The following BLOC1S5 variants were observed in gnomAD, a reference collection of about 807,000 sequenced individuals.
BLOC1S5 encodes the protein biogenesis of lysosome-related organelles complex 1 subunit 5.
In BLOC1S5, 27 loss-of-function variants were observed where a neutral mutation model predicts 24.3. The observed-to-expected ratio is 1.11, with a 90% CI of 0.82 to 1.53. The LOEUF (loss-of-function observed/expected upper bound fraction) is 1.53, where lower values mean the gene tolerates loss of function less well. BLOC1S5 is among the 40% of genes most tolerant of loss of function. The probability of loss-of-function intolerance (pLI) is 0.00; values close to 1 mark genes in which losing one functional copy is unlikely to be tolerated. For missense variants in BLOC1S5, 239 were observed against 229.4 expected (o/e 1.04, Z -0.27); for synonymous variants, 84 against 74.5 (o/e 1.13, Z -0.66).
chr6:8,055,338 A>G (rs1764271273), intron 2 of BLOC1S5, among the ~76,000 whole-genome samples: 1 of 152,290 alleles, frequency 6.6e-6, no homozygotes, highest in Non-Finnish European at 1.5e-5. Flanking sequence ...GGGAGGCTGA[A>G]GCAGGAGAAT....
intron 2 of BLOC1S5, chr6:8,054,515 C>A (rs763761815): frequency 3.0e-5 from 8 of 266,848 alleles, no homozygotes; most frequent in Non-Finnish European, 5.1e-5. Flanking sequence ...AGAGTCCTTG[C>A]ATGACCTAAT....
Position 8,041,235 on chromosome 6 carries a change from C to T in BLOC1S5, c.229G>A (p.Glu77Lys), listed in dbSNP as rs149984222. The T allele has an allele frequency of 7.6e-5, 123 of 1,609,024 alleles. No individual in the cohort carries two copies. In the African/African-American group the frequency reaches 1.6e-3, roughly 21 times the overall value. Reference protein sequence around the residue: ...KRGLREMRVLENLKNMIHETN... With the variant: ...KRGLREMRVLKNLKNMIHETN... ...TCATGGATCATGTTCTTCAAATTTT[C>T]AAGAACTCGCATTTCTCGAAGACCA... The change falls in exon 3 of 5, where the codon GAA (glutamate) becomes AAA (lysine). Residue 77 changes from glutamate to lysine, a missense_variant. Physicochemically the swap from Glu to Lys is moderately conservative, Grantham distance 56. Coordinates refer to ENST00000397457, the MANE Select transcript of BLOC1S5 (RefSeq NM_201280.3).
chr6:8,059,533 C>T, intron 2 of BLOC1S5, among the ~76,000 whole-genome samples: 1 of 152,200 alleles, frequency 6.6e-6, no homozygotes, highest in East Asian at 1.9e-4. Context: ...CTCTGCTTTG[C>T]CACTCTATCT....
In BLOC1S5 at chr6:8,051,285, T is replaced by C. The variant is rs549211939; in HGVS notation, c.196-10017A>G. On this transcript the variant is annotated intron_variant, in intron 2 of 4. Coordinates refer to ENST00000397457, the MANE Select transcript of BLOC1S5 (RefSeq NM_201280.3). ...AAGTTTGAGTGGTCTGGACAGAAGA[T>C]GAAACCAGCCACAACATTTTCTTAA... Among the ~76,000 whole-genome samples, 7 of 152,208 alleles carry C rather than the reference T, an allele frequency of 4.6e-5. No individual in the cohort carries two copies. The South Asian group carries it at 1.5e-3, about 32-fold the overall frequency.
At chr6:8,032,336 A>G (rs1763328234) in intron 3 of BLOC1S5, among the ~76,000 whole-genome samples, 1 of 152,210 alleles carries the variant, frequency 6.6e-6, no homozygotes, top group Non-Finnish European at 1.5e-5. Context: ...AGATATACAA[A>G]TGGCCAACAA....
intron 2 of BLOC1S5, among the ~76,000 whole-genome samples, chr6:8,059,317 A>G (rs1764436579): frequency 6.6e-6 from 1 of 152,272 alleles, no homozygotes; most frequent in African/African-American, 2.4e-5. Flanking sequence ...GAGGACTTCA[A>G]TAATTTAAGT....
chr6:8,035,657 T>A (rs1033537889), intron 3 of BLOC1S5, among the ~76,000 whole-genome samples: 2 of 152,116 alleles, frequency 1.3e-5, no homozygotes, highest in Admixed American at 6.5e-5. Flanking sequence ...CACTATATAA[T>A]CATACAGGGG....
intron 4 of BLOC1S5, among the ~76,000 whole-genome samples, chr6:8,019,619 C>T (rs938017961): frequency 3.6e-5 from 5 of 139,988 alleles, no homozygotes; most frequent in South Asian, 2.4e-4. Context: ...GGGGGGGGGG[C>T]GCCTATACAT....
At chr6:8,023,692 A>G (rs1254034744) in intron 4 of BLOC1S5, among the ~76,000 whole-genome samples, 2 of 152,236 alleles carry the variant, frequency 1.3e-5, no homozygotes. Flanking sequence ...AATGTATGCA[A>G]TAGTATAACC....
intron 4 of BLOC1S5, among the ~76,000 whole-genome samples, chr6:8,022,279 C>T (rs1023486342): frequency 3.3e-5 from 5 of 149,812 alleles, no homozygotes; most frequent in Non-Finnish European, 7.4e-5. Flanking sequence ...GCTAAACATC[C>T]TGCAATGCAC....
At chr6:8,059,934 G>T (rs1427789007) in intron 2 of BLOC1S5, among the ~76,000 whole-genome samples, 3 of 152,208 alleles carry the variant, frequency 2.0e-5, no homozygotes, top group African/African-American at 7.2e-5. Context: ...GACTATGTCT[G>T]TCTTATTCAC....
intron 2 of BLOC1S5, among the ~76,000 whole-genome samples, chr6:8,046,472 G>A (rs1409561906): frequency 6.6e-6 from 1 of 151,940 alleles, no homozygotes; most frequent in African/African-American, 2.4e-5. Context: ...ACTTGACTAT[G>A]AAAAAATAAT....
Position 8,041,171 on chromosome 6 carries a change from A to G in BLOC1S5, c.293T>C (p.Met98Thr). Residue 98 changes from methionine (M) to threonine (T), a missense_variant, in exon 3 of 5, where the codon ATG (methionine) becomes ACG (threonine). Met to Thr is a moderately conservative substitution (Grantham distance 81, BLOSUM62 -1). Coordinates refer to ENST00000397457, the MANE Select transcript of BLOC1S5 (RefSeq NM_201280.3). ...EHTLPKCRDT[M>T]RDSLSQVLQR... The stretch of plus-strand genomic sequence containing the variant: ...GAGAACCTGGCTGAGGCTGTCCCGC[A>G]TTGTGTCTCTACATTTGGGAAGAGT... The G allele has an allele frequency of 6.2e-7, 1 of 1,610,312 alleles. No homozygotes were observed. The highest frequency in any genetic ancestry group is 8.5e-7 in the Non-Finnish European group (1 of 1,178,712).
intron 2 of BLOC1S5, among the ~76,000 whole-genome samples, chr6:8,057,589 C>T (rs1469873503): frequency 6.6e-6 from 1 of 152,142 alleles, no homozygotes; most frequent in Non-Finnish European, 1.5e-5. Flanking sequence ...ACACATACTT[C>T]TCATGTGTTA....
At chr6:8,044,113 C>A (rs1218686164) in intron 2 of BLOC1S5, among the ~76,000 whole-genome samples, 1 of 151,932 alleles carries the variant, frequency 6.6e-6, no homozygotes, top group African/African-American at 2.4e-5. Context: ...GAAACCCCAT[C>A]TCTACTAAAG....
Position 8,025,419 on chromosome 6 carries a change from C to T in BLOC1S5, c.384+948G>A, listed in dbSNP as rs1763070772. Among the ~76,000 whole-genome samples the T allele has an allele frequency of 3.9e-5, 6 of 152,352 alleles. No individual in the cohort carries two copies. The South Asian group carries it at 1.2e-3, about 32-fold the overall frequency. On this transcript the variant is annotated intron_variant, in intron 4 of 4. Coordinates refer to ENST00000397457, the MANE Select transcript of BLOC1S5 (RefSeq NM_201280.3). ...TTCCCTGACCACAGCTCTGCCTTGC[C>T]ACTTCATCCAGGAGCTCAGCTGTGG...
At chr6:8,063,792 G>C (rs758255715) in intron 1 of BLOC1S5, among the ~76,000 whole-genome samples, 23 of 152,176 alleles carry the variant, frequency 1.5e-4, no homozygotes, top group Non-Finnish European at 2.4e-4. Context: ...GAACGTGAAT[G>C]GTTCTTTACA....
chr6:8,033,178 T>G lies in BLOC1S5; in HGVS notation c.326-6753A>C, dbSNP rs187434099. ...AGAGCCTGCATTGCCAAGACAATCC[T>G]AAGCAAAAAGAACAAAGCTGGAGCT... On this transcript the variant is annotated intron_variant, in intron 3 of 4. Transcript: ENST00000397457. Among the ~76,000 whole-genome samples, 674 of 152,270 alleles carry G rather than the reference T, an allele frequency of 4.4e-3. 3 individuals carry two copies. Among genetic ancestry groups the G allele is most frequent in the Middle Eastern group, 0.014 (4 of 294 alleles).
chr6:8,029,890 A>C (rs1763239231), intron 3 of BLOC1S5, among the ~76,000 whole-genome samples: 1 of 152,274 alleles, frequency 6.6e-6, no homozygotes, highest in Non-Finnish European at 1.5e-5. Flanking sequence ...AAATGTATCC[A>C]ATAAAAACAG....
Sources: allele counts gnomAD v4.1 joint callset (sites outside exome capture counted in the v4.1 genomes callset), GRCh38; gene constraint gnomAD v4.1.1; transcripts MANE v1.5; gene names NCBI Gene and HGNC (gene_info 2026-07-23, HGNC 2026-07-21).